The following ZFYVE9 variants were observed in gnomAD, a reference collection of about 807,000 sequenced individuals.
ZFYVE9 encodes the protein zinc finger FYVE domain-containing protein 9.
ZFYVE9 carries 43 observed loss-of-function variants against 126.7 expected under a neutral mutation model. That is an observed-to-expected ratio of 0.34 (90% confidence interval 0.27 to 0.44). The LOEUF (loss-of-function observed/expected upper bound fraction) is 0.44, where lower values mean the gene tolerates loss of function less well. ZFYVE9 is among the 20% of genes least tolerant of loss of function. The probability of loss-of-function intolerance (pLI) is 1.00; values close to 1 mark genes in which losing one functional copy is unlikely to be tolerated. For synonymous variants in ZFYVE9, 521 were observed against 597.4 expected, an observed-to-expected ratio of 0.87 and a Z score of 1.87; for missense variants, 1,476 against 1,697.0, an observed-to-expected ratio of 0.87 and a Z score of 2.29.
chr1:52,168,551 T>C (rs571419745), intron 1 of ZFYVE9, among the ~76,000 whole-genome samples: 182 of 150,502 alleles, frequency 1.2e-3, no homozygotes, highest in African/African-American at 4.3e-3. Context: ...AGGGTCTTGC[T>C]CTGTAGCCCA....
chr1:52,248,693 C>T (rs1424196333), intron 4 of ZFYVE9, among the ~76,000 whole-genome samples: 1 of 152,170 alleles, frequency 6.6e-6, no homozygotes, highest in African/African-American at 2.4e-5. Flanking sequence ...TTGTTTCCAC[C>T]TCTTGGGTAT....
chr1:52,211,561 G>T (rs1047694504), intron 1 of ZFYVE9, among the ~76,000 whole-genome samples: 3 of 152,208 alleles, frequency 2.0e-5, no homozygotes, highest in African/African-American at 7.2e-5. Flanking sequence ...GCCGGGTACA[G>T]TGGTGTGTAC....
intron 7 of ZFYVE9, among the ~76,000 whole-genome samples, chr1:52,268,937 G>A (rs1645660692): frequency 6.6e-6 from 1 of 152,120 alleles, no homozygotes; most frequent in South Asian, 2.1e-4. Context: ...TTTAAAGCAT[G>A]TTCCCCAGGT....
intron 12 of ZFYVE9, among the ~76,000 whole-genome samples, chr1:52,298,878 C>T (rs535535567): frequency 1.5e-4 from 19 of 130,252 alleles, no homozygotes; most frequent in African/African-American, 5.3e-4. Context: ...GGCGCAATTT[C>T]GGCTCACTGC....
At position 52,323,222 on chromosome 1, in the gene ZFYVE9, C is replaced by T. The variant is rs72895966; in HGVS notation, c.3439-9546C>T. 8.7e-3 allele frequency among the ~76,000 whole-genome samples: 1,323 copies of T among 152,340 alleles called. 18 individuals carry two copies. Among genetic ancestry groups the T allele is most frequent in the African/African-American group, 0.031 (1,273 of 41,576 alleles). ...CCTTACTGCCCTCCAGGGCCTTGCA[C>T]GTATCCCCATGCAGTGGGATAAAAG... On this transcript the variant is annotated intron_variant, in intron 13 of 18. Coordinates refer to ENST00000287727, the MANE Select transcript of ZFYVE9 (RefSeq NM_004799.4).
chr1:52,188,687 A>C (rs1462428823), intron 1 of ZFYVE9, among the ~76,000 whole-genome samples: 2 of 152,182 alleles, frequency 1.3e-5, no homozygotes, highest in Non-Finnish European at 2.9e-5. Context: ...GATGAGTTGC[A>C]TTGGTTTATA....
chr1:52,309,297 C>T (rs181896776), intron 13 of ZFYVE9, among the ~76,000 whole-genome samples: 144 of 152,168 alleles, frequency 9.5e-4, no homozygotes, highest in African/African-American at 3.4e-3. Context: ...GGCAACATGG[C>T]AAGACCCCAT....
Position 52,155,092 on chromosome 1 carries a change from A to G in ZFYVE9, c.-143+12689A>G, listed in dbSNP as rs758056960. ...TCCTATCTTATAATGGATTGCTGCT[A>G]TGCTCACCTGGCTTTATGACCTGGC... is the stretch of plus-strand genomic sequence containing the variant. On this transcript the variant is annotated intron_variant, in intron 1 of 18. Coordinates refer to ENST00000287727, the MANE Select transcript of ZFYVE9 (RefSeq NM_004799.4). Among the ~76,000 whole-genome samples the G allele has an allele frequency of 2.4e-4, 37 of 152,148 alleles. 1 individual carries two copies. The highest frequency in any genetic ancestry group is 8.2e-4 in the African/African-American group (34 of 41,436).
At chr1:52,157,957 A>G (rs548295082) in intron 1 of ZFYVE9, among the ~76,000 whole-genome samples, 1 of 152,202 alleles carries the variant, frequency 6.6e-6, no homozygotes, top group South Asian at 2.1e-4. Flanking sequence ...CTCACATGGT[A>G]TACACAGCTC....
chr1:52,225,093 C>A (rs1645157361), intron 2 of ZFYVE9, among the ~76,000 whole-genome samples: 1 of 152,178 alleles, frequency 6.6e-6, no homozygotes, highest in South Asian at 2.1e-4. Context: ...ACACTTTCAA[C>A]CTACAGAGAT....
At position 52,337,954 on chromosome 1, in the gene ZFYVE9, C is replaced by G. The variant is rs1221322146; in HGVS notation, c.3833+20C>G. 1.2e-6 allele frequency: 2 copies of G among 1,609,062 alleles called. No homozygotes were observed. Among genetic ancestry groups the G allele is most frequent in the Non-Finnish European group, 1.7e-6 (2 of 1,176,726 alleles). ...CAAGGGGTAAATGCAGCACATGTCC[C>G]CCTTTGTGGCTTTTAGTTATAGGTT... is the stretch of plus-strand genomic sequence containing the variant. On this transcript the variant is annotated intron_variant, in intron 16 of 18. Transcript: ENST00000287727.
At chr1:52,208,299 A>T (rs1463680534) in intron 1 of ZFYVE9, among the ~76,000 whole-genome samples, 1 of 152,206 alleles carries the variant, frequency 6.6e-6, no homozygotes. Flanking sequence ...CAAGCCAGGT[A>T]TGTTCCATAT....
chr1:52,272,673 C>CCTTTTTTTTTTTTTTTTTTTTTTT (rs1645704814), intron 7 of ZFYVE9, among the ~76,000 whole-genome samples: 1 of 121,286 alleles, frequency 8.2e-6, no homozygotes, highest in African/African-American at 3.4e-5. Context: ...TAGAAATAAT[C>CCTTTTTTTTTTTTTTTTTTTTTTT]TTTTTTTTTT....
At chr1:52,289,839 G>A (rs1285360449) in intron 10 of ZFYVE9, among the ~76,000 whole-genome samples, 1 of 152,178 alleles carries the variant, frequency 6.6e-6, no homozygotes, top group Non-Finnish European at 1.5e-5. Flanking sequence ...AGTGGACTTC[G>A]TGAAGAATCT....
intron 13 of ZFYVE9, among the ~76,000 whole-genome samples, chr1:52,309,682 T>C (rs1309868734): frequency 6.6e-6 from 1 of 152,072 alleles, no homozygotes; most frequent in Admixed American, 6.6e-5. Context: ...CAAAATCCAC[T>C]CAGAGGAATT....
At chr1:52,274,435 T>G in intron 7 of ZFYVE9, 29 bp from the exon 8 acceptor site, 1 of 1,584,562 alleles carries the variant, frequency 6.3e-7, no homozygotes, top group African/African-American at 1.3e-5. Flanking sequence ...TTCTCTGTAG[T>G]GCTCACTTTG....
At chr1:52,182,851 A>G (rs1213890390) in intron 1 of ZFYVE9, among the ~76,000 whole-genome samples, 2 of 152,068 alleles carry the variant, frequency 1.3e-5, no homozygotes, top group Non-Finnish European at 2.9e-5. Context: ...GGTATGGCAC[A>G]TGTGTATTTT....
intron 4 of ZFYVE9, among the ~76,000 whole-genome samples, chr1:52,240,652 C>CG (rs1396599277): frequency 1.3e-5 from 2 of 152,260 alleles, no homozygotes; most frequent in East Asian, 3.9e-4. Context: ...GAAGTTCTCT[C>CG]GGTCTTCCCC....
chr1:52,285,928 G>C lies in ZFYVE9; in HGVS notation c.3025+4112G>C, dbSNP rs1166042277. Among the ~76,000 whole-genome samples the C allele has an allele frequency of 2.0e-5, 3 of 152,252 alleles. No homozygotes were observed. The Middle Eastern group carries it at 0.01, about 518-fold the overall frequency. On this transcript the variant is annotated intron_variant, in intron 10 of 18. Transcript: ENST00000287727. ...CCAGCACTTTGGCAGGCCAAGCCGG[G>C]TGGATCACCTTAGCTCAGGAGTTCA...
Sources: allele counts gnomAD v4.1 joint callset (sites outside exome capture counted in the v4.1 genomes callset), GRCh38; gene constraint gnomAD v4.1.1; transcripts MANE v1.5; gene names NCBI Gene and HGNC (gene_info 2026-07-23, HGNC 2026-07-21).